The following TTC7A variants were observed in gnomAD, a reference collection of about 807,000 sequenced individuals.
TTC7A encodes tetratricopeptide repeat domain 7A.
Under a neutral mutation model 103.7 loss-of-function variants are expected in TTC7A, and 110 were observed. That is an observed-to-expected ratio of 1.06 (90% confidence interval 0.91 to 1.24). TTC7A has a LOEUF of 1.24. Ranked by LOEUF, TTC7A falls within the 50% of genes most tolerant of loss-of-function variation. The probability of loss-of-function intolerance (pLI) is 0.00; values close to 1 mark genes in which losing one functional copy is unlikely to be tolerated. For synonymous variants in TTC7A, 521 were observed against 467.9 expected, an observed-to-expected ratio of 1.11 and a Z score of -1.47; for missense variants, 1,340 against 1,116.3, an observed-to-expected ratio of 1.20 and a Z score of -2.86.
intron 15 of TTC7A, among the ~76,000 whole-genome samples, chr2:47,029,696 T>G (rs1572962143): frequency 6.6e-6 from 1 of 152,216 alleles, no homozygotes; most frequent in East Asian, 1.9e-4. Flanking sequence ...CTGCCTGCCC[T>G]GGGCTCTGCA....
rs1675951175 is a variant in TTC7A, at chr2:46,994,437, G to A, written c.924G>A (p.Leu308=). Residue 308 remains leucine, a synonymous_variant, in exon 7 of 20, where the codon CTG becomes CTA. Coordinates refer to ENST00000319190, the MANE Select transcript of TTC7A (RefSeq NM_020458.4). ...ECYWSPLSHP[L]PEFMGKEESS... ...ACTGGAGCCCCCTGTCCCACCCTCT[G>A]CCTGAGTTCATGGGCAAGGAGGAGA... 6.2e-7 allele frequency: 1 copy of A among 1,613,984 alleles called. No individual in the cohort carries two copies. The highest frequency in any genetic ancestry group is 1.1e-5 in the South Asian group (1 of 91,078).
At chr2:47,029,881 T>A (rs1680335030) in intron 15 of TTC7A, among the ~76,000 whole-genome samples, 1 of 152,192 alleles carries the variant, frequency 6.6e-6, no homozygotes, top group South Asian at 2.1e-4. Context: ...CAGCCAGATG[T>A]CCCACTTCTT....
At chr2:46,968,838 T>C (rs1344908759) in intron 3 of TTC7A, among the ~76,000 whole-genome samples, 3 of 152,168 alleles carry the variant, frequency 2.0e-5, no homozygotes, top group Non-Finnish European at 4.4e-5. Flanking sequence ...ACCAGTACCC[T>C]AATAAAGATA....
chr2:46,999,290 C>T (rs1410008655), intron 8 of TTC7A, among the ~76,000 whole-genome samples: 1 of 152,002 alleles, frequency 6.6e-6, no homozygotes, highest in Non-Finnish European at 1.5e-5. Context: ...CCCATTCATC[C>T]GTCCACCCTT....
chr2:46,950,469 G>A lies in TTC7A; in HGVS notation c.291G>A (p.Pro97=), dbSNP rs768316317. 1.1e-5 allele frequency: 17 copies of A among 1,613,998 alleles called. No individual in the cohort carries two copies. Among genetic ancestry groups the A allele is most frequent in the East Asian group, 6.7e-5 (3 of 44,898 alleles). The change falls in exon 2 of 20, where the codon CCG becomes CCA. Residue 97 remains proline, a synonymous_variant. Transcript: ENST00000319190. Reference sequence around the variant, plus strand: ...TGCCTTTGCTGGAGAAGAATGAGCCGAAGATGAGCGAAGCCAAAAATTATC... The same window carrying A: ...TGCCTTTGCTGGAGAAGAATGAGCCAAAGATGAGCGAAGCCAAAAATTATC... ...DSMPLLEKNE[P]KMSEAKNYLS...
chr2:47,073,747 G>A lies in TTC7A; in HGVS notation c.2401G>A (p.Val801Met), dbSNP rs1684977310. The A allele has an allele frequency of 6.2e-7, 1 of 1,613,870 alleles. No individual in the cohort carries two copies. The highest frequency in any genetic ancestry group is 8.5e-7 in the Non-Finnish European group (1 of 1,180,028). ...RLGHKSLAQKVLRDAVERQST... is the reference protein window; with the variant it reads ...RLGHKSLAQKMLRDAVERQST... ...GGGCCACAAGAGCTTGGCCCAGAAGGTGCTTCGTGATGCCGTGGAGAGGCA... is the reference window on the plus strand; with the variant it reads ...GGGCCACAAGAGCTTGGCCCAGAAGATGCTTCGTGATGCCGTGGAGAGGCA... The change falls in exon 20 of 20, where the codon GTG becomes ATG. Residue 801 changes from valine to methionine, a missense_variant. Transcript: ENST00000319190.
At chr2:47,011,716 C>A (rs1286596654) in intron 11 of TTC7A, among the ~76,000 whole-genome samples, 1 of 152,232 alleles carries the variant, frequency 6.6e-6, no homozygotes, top group East Asian at 1.9e-4. Flanking sequence ...CCCCACCTGC[C>A]CAGCAGCAGA....
chr2:46,934,166 C>CTATT (rs1669848805), intron 2 of TTC7A, among the ~76,000 whole-genome samples: 1 of 152,236 alleles, frequency 6.6e-6, no homozygotes, highest in Admixed American at 6.5e-5. Flanking sequence ...CATGGCTTTA[C>CTATT]TATTGCAGGA....
chr2:46,956,906 A>C lies in TTC7A; in HGVS notation c.416A>C (p.Asp139Ala). The C allele has an allele frequency of 6.2e-7, 1 of 1,614,156 alleles. No homozygotes were observed. Among genetic ancestry groups the C allele is most frequent in the Non-Finnish European group, 8.5e-7 (1 of 1,180,014 alleles). Reference sequence around the variant, plus strand: ...CATTACGTGGAGGGCTCATACCGAGATGCCATCAGCATGTACGCACGGGCC... The same window carrying C: ...CATTACGTGGAGGGCTCATACCGAGCTGCCATCAGCATGTACGCACGGGCC... ...KLHYVEGSYRDAISMYARAGI... is the reference protein window; with the variant it reads ...KLHYVEGSYRAAISMYARAGI... Residue 139 changes from aspartate (D) to alanine (A), a missense_variant, in exon 3 of 20, where the codon GAT (aspartate) becomes GCT (alanine). By Grantham distance (126) the Asp-to-Ala change is moderately radical. Coordinates refer to ENST00000319190, the MANE Select transcript of TTC7A (RefSeq NM_020458.4).
Position 46,975,024 on chromosome 2 carries a change from CAGAG to C in TTC7A, c.572_575del (p.Glu191GlyfsTer5), listed in dbSNP as rs771969516. On this transcript the variant is annotated frameshift_variant, in exon 4 of 20. Transcript: ENST00000319190. LOFTEE classifies it high-confidence loss of function. ...TCCATCGCCTCCCGCTTCCGCCTGA[CAGAG>C]AGGGAGGAGGAAGTGATCACCTGTT... 12 of 1,613,982 alleles carry C rather than the reference CAGAG, an allele frequency of 7.4e-6. No individual in the cohort carries two copies. The highest frequency in any genetic ancestry group is 5.0e-5 in the Admixed American group (3 of 60,000).
intron 15 of TTC7A, among the ~76,000 whole-genome samples, chr2:47,030,398 C>A (rs779023841): frequency 3.9e-5 from 6 of 152,218 alleles, no homozygotes; most frequent in Non-Finnish European, 5.9e-5. Context: ...GCAGGGCTGA[C>A]CACAGGGGTG....
rs144979389 is a variant in TTC7A, at chr2:46,988,942, T to C, written c.765-4508T>C. ...TGTTGGAACATAGGGATTTATTTAT[T>C]CAGTGATCATTTCTTGAGCACCTTC... On this transcript the variant is annotated intron_variant, in intron 5 of 19. Transcript: ENST00000319190. Among the ~76,000 whole-genome samples the C allele has an allele frequency of 2.9e-4, 44 of 152,364 alleles. No individual in the cohort carries two copies. The East Asian group carries it at 6.7e-3, about 23-fold the overall frequency.
chr2:47,030,726 C>T (rs4953445), intron 15 of TTC7A, among the ~76,000 whole-genome samples: 48,198 of 151,998 alleles, frequency 0.32, 8,623 homozygotes, highest in East Asian at 0.62. Context: ...CCCCCTCCAT[C>T]CTGGCCTAGG....
In TTC7A at chr2:46,966,106, C is replaced by T. The variant is rs374890590; in HGVS notation, c.518-8867C>T. ...CTGGGTTTACAGGCATGCGCCACCA[C>T]GCCTGGCTAATTTTGTATTTTTAGT... On this transcript the variant is annotated intron_variant, in intron 3 of 19. Transcript: ENST00000319190. Among the ~76,000 whole-genome samples the T allele has an allele frequency of 2.3e-4, 35 of 152,234 alleles. 1 individual carries two copies. In the East Asian group the frequency reaches 3.3e-3, roughly 14 times the overall value.
At chr2:46,959,761 C>G (rs758448526) in intron 3 of TTC7A, among the ~76,000 whole-genome samples, 1 of 152,116 alleles carries the variant, frequency 6.6e-6, no homozygotes, top group Admixed American at 6.5e-5. Flanking sequence ...TTCTGATTCC[C>G]GGGGAGGCTT....
At chr2:46,996,403 C>T (rs909621224) in intron 8 of TTC7A, among the ~76,000 whole-genome samples, 3 of 152,216 alleles carry the variant, frequency 2.0e-5, no homozygotes, top group Non-Finnish European at 2.9e-5. Context: ...ACCAAGATCC[C>T]GTGAGCTGGA....
chr2:47,046,240 C>T (rs982491397), intron 15 of TTC7A, 75 bp from the exon 16 acceptor site: 40 of 1,200,176 alleles, frequency 3.3e-5, no homozygotes, highest in East Asian at 4.7e-5. Flanking sequence ...GTGGAGCCGC[C>T]CTGGTGGGGC....
At chr2:47,055,021 A>G (rs551433431) in intron 18 of TTC7A, among the ~76,000 whole-genome samples, 65 of 151,880 alleles carry the variant, frequency 4.3e-4, no homozygotes, top group African/African-American at 1.5e-3. Flanking sequence ...CCTGGCTGCC[A>G]TCATCACTAG....
chr2:46,956,735 A>T, intron 2 of TTC7A, 104 bp from the exon 3 acceptor site: 1 of 1,196,332 alleles, frequency 8.4e-7, no homozygotes, highest in South Asian at 1.3e-5. Flanking sequence ...GGAGGAGGGG[A>T]GTTCTGAGCA....
Sources: allele counts gnomAD v4.1 joint callset (sites outside exome capture counted in the v4.1 genomes callset), GRCh38; gene constraint gnomAD v4.1.1; transcripts MANE v1.5; gene names NCBI Gene and HGNC (gene_info 2026-07-23, HGNC 2026-07-21).